Variants in PTPRD observed in about 807,000 individuals in gnomAD.
PTPRD encodes the protein protein tyrosine phosphatase receptor type D, also known as receptor-type tyrosine-protein phosphatase delta.
In PTPRD, 34 loss-of-function variants were observed where a neutral mutation model predicts 214.5. The observed-to-expected ratio is 0.16, with a 90% CI of 0.12 to 0.21. The LOEUF (loss-of-function observed/expected upper bound fraction) is 0.21, where lower values mean the gene tolerates loss of function less well. Among genes scored for constraint, PTPRD ranks in the 10% least tolerant of loss-of-function variants. PTPRD has a pLI of 1.00. For synonymous variants in PTPRD, 1,128 were observed against 845.7 expected, an observed-to-expected ratio of 1.33 and a Z score of -5.79; for missense variants, 2,545 against 2,398.7, an observed-to-expected ratio of 1.06 and a Z score of -1.27.
intron 3 of PTPRD, among the ~76,000 whole-genome samples, chr9:10,323,004 T>C (rs776395281): frequency 2.6e-5 from 4 of 151,954 alleles, no homozygotes; most frequent in African/African-American, 4.8e-5. Context: ...TACAACAAAA[T>C]TATTTGATTC....
intron 8 of PTPRD, among the ~76,000 whole-genome samples, chr9:9,528,422 G>C (rs1481825709): frequency 6.6e-6 from 1 of 152,058 alleles, no homozygotes; most frequent in African/African-American, 2.4e-5. Context: ...AGCTAAATTA[G>C]CTTGGTCTAA....
intron 7 of PTPRD, among the ~76,000 whole-genome samples, chr9:9,695,410 G>A (rs890458880): frequency 1.3e-5 from 2 of 152,164 alleles, no homozygotes; most frequent in African/African-American, 2.4e-5. Context: ...GAAGTTGGGG[G>A]AAGGATTGTG....
chr9:10,293,175 A>T (rs1338480293), intron 3 of PTPRD, among the ~76,000 whole-genome samples: 1 of 151,846 alleles, frequency 6.6e-6, no homozygotes, highest in Non-Finnish European at 1.5e-5. Context: ...TGAATTCTTT[A>T]TTTACTGCTT....
intron 2 of PTPRD, among the ~76,000 whole-genome samples, chr9:10,493,041 G>A (rs1199262507): frequency 6.6e-6 from 1 of 152,064 alleles, no homozygotes; most frequent in Non-Finnish European, 1.5e-5. Context: ...CAACTTACAA[G>A]AGATGTGAGG....
chr9:8,565,513 T>C (rs2154217777), intron 14 of PTPRD, among the ~76,000 whole-genome samples: 1 of 152,334 alleles, frequency 6.6e-6, no homozygotes, highest in Non-Finnish European at 1.5e-5. Flanking sequence ...TTGCCTCCCA[T>C]GTTTTCTCCC....
chr9:9,175,958 T>C (rs924280208), intron 10 of PTPRD, among the ~76,000 whole-genome samples: 5 of 152,172 alleles, frequency 3.3e-5, no homozygotes, highest in Non-Finnish European at 7.4e-5. Flanking sequence ...TATATATCAC[T>C]CTTGAACTCA....
intron 3 of PTPRD, among the ~76,000 whole-genome samples, chr9:10,311,179 G>A (rs1213311529): frequency 1.3e-5 from 2 of 151,870 alleles, no homozygotes; most frequent in Admixed American, 1.3e-4. Flanking sequence ...AAAAAACCTA[G>A]GAAGGTGCTG....
chr9:10,496,793 T>C (rs901656285), intron 2 of PTPRD, among the ~76,000 whole-genome samples: 5 of 152,124 alleles, frequency 3.3e-5, no homozygotes, highest in African/African-American at 1.2e-4. Flanking sequence ...GCCCACACTT[T>C]AACGGGGTTA....
intron 9 of PTPRD, among the ~76,000 whole-genome samples, chr9:9,217,653 C>A (rs183824006): frequency 1.7e-3 from 258 of 152,196 alleles, no homozygotes; most frequent in Non-Finnish European, 3.2e-3. Flanking sequence ...TAAGGGCCTG[C>A]CAGAATAAAG....
intron 8 of PTPRD, among the ~76,000 whole-genome samples, chr9:9,566,956 C>A (rs79549765): frequency 0.055 from 8,440 of 152,074 alleles, 318 homozygotes; most frequent in Non-Finnish European, 0.088. Context: ...ATTACAGAGT[C>A]AAATACTAAG....
chr9:9,487,475 G>A (rs898289176), intron 8 of PTPRD, among the ~76,000 whole-genome samples: 7 of 152,046 alleles, frequency 4.6e-5, no homozygotes, highest in Admixed American at 3.3e-4. Context: ...GGATATTTGG[G>A]TCGGTTCCAA....
At chr9:10,131,117 C>G (rs546105820) in intron 3 of PTPRD, among the ~76,000 whole-genome samples, 1 of 152,092 alleles carries the variant, frequency 6.6e-6, no homozygotes, top group African/African-American at 2.4e-5. Context: ...AGAAAACTGG[C>G]TGTGCTTTCT....
At chr9:10,106,286 T>C (rs1249287464) in intron 3 of PTPRD, among the ~76,000 whole-genome samples, 3 of 151,952 alleles carry the variant, frequency 2.0e-5, no homozygotes, top group Non-Finnish European at 4.4e-5. Context: ...ATGTCAAAGA[T>C]AATCCACATT....
chr9:8,630,583 A>C (rs1039103873), intron 14 of PTPRD, among the ~76,000 whole-genome samples: 1 of 151,854 alleles, frequency 6.6e-6, no homozygotes, highest in East Asian at 1.9e-4. Flanking sequence ...TTTTCTCATG[A>C]AAGTTCTAAA....
intron 10 of PTPRD, chr9:9,091,393 T>C (rs2099775620): frequency 1.5e-6 from 1 of 649,586 alleles, no homozygotes; most frequent in South Asian, 1.8e-5. Context: ...CTTATGACTC[T>C]GGTTCTTACT....
chr9:8,357,979 G>C (rs1192023492), intron 39 of PTPRD, among the ~76,000 whole-genome samples: 2 of 152,150 alleles, frequency 1.3e-5, no homozygotes, highest in Non-Finnish European at 2.9e-5. Flanking sequence ...TGGTCTTTGA[G>C]AGTAATTCTA....
intron 10 of PTPRD, among the ~76,000 whole-genome samples, chr9:9,055,287 T>C (rs1000385341): frequency 2.0e-5 from 3 of 151,758 alleles, no homozygotes; most frequent in African/African-American, 7.3e-5. Context: ...ATACTGAGAG[T>C]GGATATAAAG....
chr9:9,962,076 G>A (rs2094403135), intron 4 of PTPRD, among the ~76,000 whole-genome samples: 1 of 152,110 alleles, frequency 6.6e-6, no homozygotes, highest in South Asian at 2.1e-4. Context: ...GTTCACCTAA[G>A]TTGCAGAACA....
intron 9 of PTPRD, among the ~76,000 whole-genome samples, chr9:9,292,331 C>A (rs995349193): frequency 5.9e-5 from 9 of 151,346 alleles, no homozygotes; most frequent in African/African-American, 2.2e-4. Flanking sequence ...TCATGGCCAA[C>A]TTTGTCACTT....
Sources: gnomAD v4.1 joint callset for allele counts (sites outside exome capture counted in the v4.1 genomes callset) on GRCh38, gnomAD v4.1.1 for gene constraint, MANE v1.5 for transcripts, NCBI Gene and HGNC (gene_info 2026-07-23, HGNC 2026-07-21) for gene names.